ULK1: variants seen among roughly 807,000 people sequenced by gnomAD.
The protein encoded by ULK1 is unc-51 like autophagy activating kinase 1.
ULK1 carries 48 observed loss-of-function variants against 117.5 expected under a neutral mutation model. The ratio of observed to expected loss-of-function variants is 0.41; its 90% CI spans 0.32 to 0.52. The LOEUF is 0.52. ULK1 is among the 20% of genes least tolerant of loss of function. ULK1 has a pLI of 0.29. For missense variants in ULK1, 1,387 were observed against 1,473.4 expected (o/e 0.94, Z 0.96); for synonymous variants, 790 against 637.8 (o/e 1.24, Z -3.60).
rs1889823057 is a variant in ULK1 at position 131,917,025 on chromosome 12, C to T, written c.2145C>T (p.Gly715=). ...TTGGGACACAAGCCCCGGACCCGGG[C>T]AGCACGGAGAGCCTGCAGGAGAAGC... ...AAFGTQAPDP[G]STESLQEKPM... Residue 715 remains glycine, a synonymous_variant, in exon 21 of 28, where the codon GGC becomes GGT. Coordinates refer to ENST00000321867, the MANE Select transcript of ULK1 (RefSeq NM_003565.4). 2 of 1,464,650 alleles carry T rather than the reference C, an allele frequency of 1.4e-6. No homozygotes were observed. The highest frequency in any genetic ancestry group is 1.8e-6 in the Non-Finnish European group (2 of 1,091,340). 90.7% of individuals were successfully genotyped at this position (1,464,650 alleles called of 1,614,324 possible). A position where few individuals can be genotyped will look rare whatever the true frequency, so the allele number is the denominator to read the frequency against.
chr12:131,910,291 C>T lies in ULK1; in HGVS notation c.846C>T (p.Pro282=). ...FFHHPFLDAS[P]SVRKSPPVPV... ...ATCACCCTTTCCTCGATGCCAGCCCCTCGGTCAGGAAATGTGAGTTTCTGT... is the reference window on the plus strand; with the variant it reads ...ATCACCCTTTCCTCGATGCCAGCCCTTCGGTCAGGAAATGTGAGTTTCTGT... The change falls in exon 11 of 28, where the codon CCC becomes CCT. Residue 282 remains proline, a synonymous_variant. Coordinates refer to ENST00000321867, the MANE Select transcript of ULK1 (RefSeq NM_003565.4). 6.2e-7 allele frequency: 1 copy of T among 1,613,830 alleles called. No homozygotes were observed.
chr12:131,916,554 C>T lies in ULK1; in HGVS notation c.2035C>T (p.Leu679=), dbSNP rs1889796288. Residue 679 remains leucine (L), a synonymous_variant, in exon 20 of 28, where the codon CTG becomes TTG. Transcript: ENST00000321867. ...CCATGGTCAGCCGTTGGGCCCTGGC[C>T]TGCGGCCAGGCGAGGACCCCAAGGG... ...PFHGQPLGPG[L]RPGEDPKGPF... 5.6e-6 allele frequency: 9 copies of T among 1,603,770 alleles called. No individual in the cohort carries two copies. Among genetic ancestry groups the T allele is most frequent in the South Asian group, 1.1e-5 (1 of 90,800 alleles).
chr12:131,895,877 C>A, intron 3 of ULK1, 53 bp downstream of exon 3: 1 of 1,609,804 alleles, frequency 6.2e-7, no homozygotes, highest in Non-Finnish European at 8.5e-7. Context: ...GACTGTGGCC[C>A]CAGGTGCTGG....
Position 131,914,472 on chromosome 12 carries a change from A to T in ULK1, c.1368A>T (p.Thr456=). The change falls in exon 16 of 28, where the codon ACA becomes ACT. Residue 456 remains threonine, a synonymous_variant. Transcript: ENST00000321867. ...TGCAGTCACCCACCCAGTTCCAAACACCTCGGTGAGTGTGGAGCCCCCAGG... is the reference window on the plus strand; with the variant it reads ...TGCAGTCACCCACCCAGTTCCAAACTCCTCGGTGAGTGTGGAGCCCCCAGG... ...RNLQSPTQFQ[T]PRSSAIRRSG... is the part of the protein sequence containing the mutation. 1 of 1,612,118 alleles carries T rather than the reference A, an allele frequency of 6.2e-7. No homozygotes were observed. The highest frequency in any genetic ancestry group is 1.1e-5 in the South Asian group (1 of 91,050).
chr12:131,916,932 C>T lies in ULK1; in HGVS notation c.2073-21C>T, dbSNP rs368814914. The T allele has an allele frequency of 6.2e-4, 993 of 1,593,906 alleles. 4 individuals carry two copies. The highest frequency in any genetic ancestry group is 7.6e-4 in the South Asian group (68 of 88,956). On this transcript the variant is annotated intron_variant, in intron 20 of 27. Transcript: ENST00000321867. The stretch of plus-strand genomic sequence containing the variant: ...GGTGGGGTGGGCCGGGCACCCAGCA[C>T]AGCCCTGCACACTCCCACAGGTCTT...
chr12:131,910,568 G>A, intron 11 of ULK1, 144 bp from the exon 12 acceptor site: 1 of 1,540,262 alleles, frequency 6.5e-7, no homozygotes, highest in Non-Finnish European at 8.9e-7. Flanking sequence ...GGTGGCCCAG[G>A]AGGGAGCCTC....
intron 3 of ULK1, among the ~76,000 whole-genome samples, chr12:131,905,894 G>C (rs1889254647): frequency 6.6e-6 from 1 of 152,174 alleles, no homozygotes; most frequent in South Asian, 2.1e-4. Context: ...GGCACCCCCG[G>C]TCAGGTCTGT....
At chr12:131,920,220 A>G (rs1890091082) in intron 26 of ULK1, 84 bp downstream of exon 26, 2 of 1,515,976 alleles carry the variant, frequency 1.3e-6, no homozygotes, top group African/African-American at 1.4e-5. Flanking sequence ...CTTGATGCCC[A>G]CAGCGTGGTG....
At chr12:131,915,466 C>G (rs1889736932) in intron 18 of ULK1, 45 bp downstream of exon 18, 4 of 1,595,186 alleles carry the variant, frequency 2.5e-6, no homozygotes, top group Non-Finnish European at 1.7e-6. Context: ...GCTGACCTCC[C>G]TCGCTCACGT....
chr12:131,910,106 T>C, intron 10 of ULK1, 105 bp downstream of exon 10: 1 of 1,554,036 alleles, frequency 6.4e-7, no homozygotes, highest in Non-Finnish European at 8.8e-7. Context: ...ATGTGCACAC[T>C]GCCCTTTCCA....
rs192966310 is a variant in ULK1 at position 131,920,974 on chromosome 12, T to G, written c.2962-126T>G. On this transcript the variant is annotated intron_variant, in intron 26 of 27. Coordinates refer to ENST00000321867, the MANE Select transcript of ULK1 (RefSeq NM_003565.4). ...GCACAGCAGGCTGCACCAGCACTTA[T>G]GTCTCCACGTCACTGCCCTGAGCGC... 20 of 1,318,868 alleles carry G rather than the reference T, an allele frequency of 1.5e-5. No individual in the cohort carries two copies. In the Admixed American group the frequency reaches 2.7e-4, roughly 18 times the overall value. The allele number at this position is 1,318,868 out of a possible 1,614,324, so 81.7% of individuals were successfully genotyped here.
chr12:131,914,501 C>A, intron 16 of ULK1, 24 bp downstream of exon 16: 1 of 1,605,218 alleles, frequency 6.2e-7, no homozygotes, highest in East Asian at 2.2e-5. Context: ...CCCCAGGTAG[C>A]CAGGCGTGGC....
At chr12:131,899,890 C>T (rs10902470) in intron 3 of ULK1, among the ~76,000 whole-genome samples, 28,348 of 152,016 alleles carry the variant, frequency 0.19, 4,963 homozygotes, top group African/African-American at 0.47. Flanking sequence ...GAGGCTGAGG[C>T]GGGTGGATCA....
chr12:131,918,909 GGT>G (rs1338063710), intron 23 of ULK1, among the ~76,000 whole-genome samples: 8 of 131,116 alleles, frequency 6.1e-5, no homozygotes, highest in African/African-American at 1.2e-4. Context: ...TGGGGTGTAG[GGT>G]GTGTGGGGTG....
chr12:131,907,075 G>A, intron 4 of ULK1, 151 bp downstream of exon 4: 1 of 1,077,444 alleles, frequency 9.3e-7, no homozygotes, highest in South Asian at 1.4e-5. Flanking sequence ...GGAGTGCAGT[G>A]CTGCGATCTC....
rs375826891 is a variant in ULK1, at chr12:131,909,104, G to C, written c.565-32G>C. 117 of 1,600,498 alleles carry C rather than the reference G, an allele frequency of 7.3e-5. 1 individual carries two copies. In the East Asian group the frequency reaches 2.0e-3, roughly 28 times the overall value. On this transcript the variant is annotated intron_variant, in intron 7 of 27. Coordinates refer to ENST00000321867, the MANE Select transcript of ULK1 (RefSeq NM_003565.4). ...CACCTTCTGTGGTTGGCGTGCGGGG[G>C]CCTCACACTGACCCGACTTCTGGTC...
intron 14 of ULK1, among the ~76,000 whole-genome samples, 199 bp downstream of exon 14, chr12:131,913,457 A>G (rs1222768580): frequency 6.6e-6 from 1 of 151,408 alleles, no homozygotes; most frequent in Non-Finnish European, 1.5e-5. Flanking sequence ...GCACTTTGGG[A>G]GGCCGAGGCG....
intron 3 of ULK1, 131 bp downstream of exon 3, chr12:131,895,955 C>G: frequency 8.4e-7 from 1 of 1,186,454 alleles, no homozygotes; most frequent in South Asian, 1.2e-5. Context: ...GAGACTCCAC[C>G]CTGGGTCCAG....
At chr12:131,919,153 G>T in intron 23 of ULK1, 59 bp from the exon 24 acceptor site, 13 of 1,530,436 alleles carry the variant, frequency 8.5e-6, no homozygotes, top group Non-Finnish European at 8.7e-6. Context: ...AGTCTGAAGG[G>T]AGACAAGCCC....
Sources: allele counts gnomAD v4.1 joint callset (sites outside exome capture counted in the v4.1 genomes callset), GRCh38; gene constraint gnomAD v4.1.1; transcripts MANE v1.5; gene names NCBI Gene and HGNC (gene_info 2026-07-23, HGNC 2026-07-21).